Variants in KHDRBS2 observed in about 807,000 individuals in gnomAD.
The protein encoded by KHDRBS2 is KH domain-containing, RNA-binding, signal transduction-associated protein 2.
In KHDRBS2, 26 loss-of-function variants were observed where a neutral mutation model predicts 44.3. The ratio of observed to expected loss-of-function variants is 0.59; its 90% CI spans 0.43 to 0.81. The LOEUF (loss-of-function observed/expected upper bound fraction) is 0.81. KHDRBS2 is among the 40% of genes least tolerant of loss of function. KHDRBS2 has a pLI of 0.00. For missense variants in KHDRBS2, 476 were observed against 433.1 expected, an observed-to-expected ratio of 1.10 and a Z score of -0.88; for synonymous variants, 194 against 151.1, an observed-to-expected ratio of 1.28 and a Z score of -2.08.
At chr6:61,839,408 A>T (rs1195883955) in intron 6 of KHDRBS2, among the ~76,000 whole-genome samples, 1 of 152,090 alleles carries the variant, frequency 6.6e-6, no homozygotes, top group African/African-American at 2.4e-5. Flanking sequence ...ACAGGGTGAA[A>T]AAAACGACTG....
intron 2 of KHDRBS2, among the ~76,000 whole-genome samples, chr6:62,059,094 T>C (rs764849441): frequency 6.6e-6 from 1 of 150,634 alleles, no homozygotes; most frequent in Non-Finnish European, 1.5e-5. Flanking sequence ...AACAATTATA[T>C]TGTAGTTTAA....
intron 3 of KHDRBS2, among the ~76,000 whole-genome samples, chr6:61,986,246 T>G (rs1775036622): frequency 6.6e-6 from 1 of 152,124 alleles, no homozygotes; most frequent in Admixed American, 6.6e-5. Context: ...AAGGTTAAAG[T>G]TTTTCTCTCA....
intron 2 of KHDRBS2, among the ~76,000 whole-genome samples, chr6:62,168,039 C>T (rs1160995352): frequency 1.3e-5 from 2 of 152,094 alleles, no homozygotes; most frequent in African/African-American, 4.8e-5. Context: ...TTCTTCCAAC[C>T]AAGCACAGAA....
intron 6 of KHDRBS2, among the ~76,000 whole-genome samples, chr6:61,866,384 G>A (rs555405646): frequency 4.6e-5 from 7 of 152,302 alleles, no homozygotes; most frequent in Middle Eastern, 3.4e-3. Context: ...GCTCTATGTC[G>A]GCCCCTTTCA....
At chr6:61,583,972 C>T in the KHDRBS2 span, among the ~76,000 whole-genome samples, 2 of 151,288 alleles carry the variant, frequency 1.3e-5, no homozygotes, top group African/African-American at 4.8e-5. Context: ...GTTTTGAATG[C>T]TATTGTAGAT....
At chr6:62,189,148 G>GAAAGA (rs1224387109) in intron 1 of KHDRBS2, among the ~76,000 whole-genome samples, 1 of 151,598 alleles carries the variant, frequency 6.6e-6, no homozygotes, top group Non-Finnish European at 1.5e-5. Flanking sequence ...AAAAGAAGAA[G>GAAAGA]AAAGAAAAAG....
intron 2 of KHDRBS2, among the ~76,000 whole-genome samples, chr6:62,076,509 G>C (rs899305217): frequency 6.6e-6 from 1 of 152,028 alleles, no homozygotes; most frequent in Non-Finnish European, 1.5e-5. Flanking sequence ...GTTGGTTGTA[G>C]TGAAATGTGG....
chr6:61,640,562 A>G, the KHDRBS2 span, among the ~76,000 whole-genome samples: 6 of 152,160 alleles, frequency 3.9e-5, no homozygotes, highest in African/African-American at 1.4e-4. Flanking sequence ...CTGGATTTTC[A>G]CTGTTCTCTA....
intron 3 of KHDRBS2, among the ~76,000 whole-genome samples, chr6:62,007,658 C>T (rs1387823762): frequency 6.7e-6 from 1 of 150,354 alleles, no homozygotes; most frequent in Non-Finnish European, 1.5e-5. Context: ...TAAATATATA[C>T]CACACATATG....
chr6:61,886,637 G>A (rs999348715), intron 6 of KHDRBS2, among the ~76,000 whole-genome samples: 1 of 152,066 alleles, frequency 6.6e-6, no homozygotes, highest in African/African-American at 2.4e-5. Flanking sequence ...TCAATTCAAA[G>A]CACTTTACTT....
chr6:61,781,742 TC>T (rs1292262525), intron 6 of KHDRBS2, among the ~76,000 whole-genome samples: 2 of 152,140 alleles, frequency 1.3e-5, no homozygotes, highest in African/African-American at 4.8e-5. Flanking sequence ...TTTTTCATCA[TC>T]CACTCCTTCC....
intron 6 of KHDRBS2, among the ~76,000 whole-genome samples, chr6:61,795,165 A>G (rs1326600924): frequency 6.6e-6 from 1 of 151,556 alleles, no homozygotes; most frequent in Admixed American, 6.6e-5. Context: ...AAAAAAAAAA[A>G]AAAAAGAAAA....
the KHDRBS2 span, among the ~76,000 whole-genome samples, chr6:61,609,155 C>T: frequency 5.3e-5 from 8 of 152,032 alleles, no homozygotes; most frequent in Non-Finnish European, 7.4e-5. Flanking sequence ...GTCAGGAGTT[C>T]GAGACCAGCC....
intron 2 of KHDRBS2, among the ~76,000 whole-genome samples, chr6:62,064,488 CTA>C (rs1792994178): frequency 6.8e-6 from 1 of 147,718 alleles, no homozygotes; most frequent in Non-Finnish European, 1.5e-5. Context: ...ATACCTACAA[CTA>C]TCTGATCTTT....
At chr6:62,163,027 A>G (rs1817970352) in intron 2 of KHDRBS2, among the ~76,000 whole-genome samples, 1 of 152,012 alleles carries the variant, frequency 6.6e-6, no homozygotes, top group East Asian at 1.9e-4. Flanking sequence ...TCTTGGCTGG[A>G]TCAGAAACTT....
At chr6:61,966,901 A>G (rs77101700) in intron 4 of KHDRBS2, among the ~76,000 whole-genome samples, 2,762 of 152,008 alleles carry the variant, frequency 0.018, 58 homozygotes, top group South Asian at 0.04. Context: ...TCATTCATTC[A>G]TATATTTATA....
chr6:62,041,930 T>A (rs1056508102), intron 3 of KHDRBS2, among the ~76,000 whole-genome samples: 2 of 152,050 alleles, frequency 1.3e-5, no homozygotes, highest in Non-Finnish European at 2.9e-5. Flanking sequence ...AATGATAAAT[T>A]ATTCATACAA....
chr6:61,843,298 T>C (rs1325661550), intron 6 of KHDRBS2, among the ~76,000 whole-genome samples: 1 of 151,128 alleles, frequency 6.6e-6, no homozygotes, highest in Non-Finnish European at 1.5e-5. Flanking sequence ...ATTTACCAAA[T>C]TTTTTAGAAT....
chr6:61,636,166 AC>A, the KHDRBS2 span, among the ~76,000 whole-genome samples: 1 of 152,192 alleles, frequency 6.6e-6, no homozygotes, highest in South Asian at 2.1e-4. Flanking sequence ...TGCCATTATA[AC>A]ATTTTGAAAA....
Sources: allele counts gnomAD v4.1 joint callset (sites outside exome capture counted in the v4.1 genomes callset), GRCh38; gene constraint gnomAD v4.1.1; transcripts MANE v1.5; gene names NCBI Gene and HGNC (gene_info 2026-07-23, HGNC 2026-07-21).